CORO2A: variants seen among roughly 807,000 people sequenced by gnomAD.
CORO2A encodes the protein coronin 2A.
In CORO2A, 47 loss-of-function variants were observed where a neutral mutation model predicts 62.4. The observed-to-expected ratio is 0.75, with a 90% CI of 0.60 to 0.96. The LOEUF (loss-of-function observed/expected upper bound fraction) is 0.96, where lower values mean the gene tolerates loss of function less well. Ranked by LOEUF, CORO2A falls within the 40% of genes least tolerant of loss-of-function variation. CORO2A has a pLI of 0.00. For synonymous variants in CORO2A, 273 were observed against 268.9 expected (o/e 1.02, Z -0.15); for missense variants, 610 against 684.1 (o/e 0.89, Z 1.21).
At position 98,133,218 on chromosome 9, in the gene CORO2A, C is replaced by A. The variant is rs140388132; in HGVS notation, c.469-1G>T. The A allele has an allele frequency of 1.9e-6, 3 of 1,614,018 alleles. No homozygotes were observed. Among genetic ancestry groups the A allele is most frequent in the Admixed American group, 3.3e-5 (2 of 59,998 alleles). On this transcript the variant is annotated splice_acceptor_variant, in intron 4 of 11. Transcript: ENST00000375077. LOFTEE classifies it high-confidence loss of function. ...TTGTATCCAGGTTCCAGATCATCAC[C>A]TGCATGGCAGAGAGCCAGCTCTGAG...
intron 2 of CORO2A, among the ~76,000 whole-genome samples, chr9:98,140,023 C>T (rs548205745): frequency 6.6e-5 from 10 of 152,228 alleles, no homozygotes; most frequent in Admixed American, 3.3e-4. Context: ...AGTTCAGTCA[C>T]AGAACCTTGG....
At chr9:98,131,772 C>T (rs367736368) in intron 6 of CORO2A, among the ~76,000 whole-genome samples, 13 of 152,088 alleles carry the variant, frequency 8.5e-5, no homozygotes, top group Non-Finnish European at 1.8e-4. Context: ...AAAATACTAC[C>T]GCCAGCTTGG....
chr9:98,129,940 A>G, intron 7 of CORO2A, 50 bp from the exon 8 acceptor site: 2 of 1,380,692 alleles, frequency 1.4e-6, no homozygotes, highest in Non-Finnish European at 2.1e-6. Flanking sequence ...GCTGGAGCTC[A>G]TCAGCTCATC....
intron 1 of CORO2A, among the ~76,000 whole-genome samples, chr9:98,186,296 G>A (rs1828238370): frequency 1.3e-5 from 2 of 151,984 alleles, no homozygotes; most frequent in Non-Finnish European, 1.5e-5. Flanking sequence ...GGAGGGGCTA[G>A]GTTTGGGGGA....
At position 98,128,178 on chromosome 9, in the gene CORO2A, A is replaced by G. The variant is rs751932580; in HGVS notation, c.1163T>C (p.Met388Thr). 5.0e-6 allele frequency: 8 copies of G among 1,612,650 alleles called. No individual in the cohort carries two copies. Among genetic ancestry groups the G allele is most frequent in the Non-Finnish European group, 6.8e-6 (8 of 1,179,204 alleles). The change falls in exon 10 of 12, where the codon ATG (methionine) becomes ACG (threonine). Residue 388 changes from methionine (M) to threonine (T), a missense_variant. Physicochemically the swap from Met to Thr is moderately conservative, Grantham distance 81 (BLOSUM62 -1). Transcript: ENST00000375077. Reference sequence around the variant, plus strand: ...TTCTCTGCCTTCCTCACCTCGATTCATCCCGCTGAGCCACTCCTGGGCCGT... The same window carrying G: ...TTCTCTGCCTTCCTCACCTCGATTCGTCCCGCTGAGCCACTCCTGGGCCGT... ...SLTAQEWLSG[M>T]NRDPILVSLR...
intron 11 of CORO2A, among the ~76,000 whole-genome samples, chr9:98,125,679 C>A (rs531279112): frequency 6.6e-6 from 1 of 151,902 alleles, no homozygotes; most frequent in South Asian, 2.1e-4. Context: ...CTAGGTCAAA[C>A]CCTCTCCATT....
chr9:98,175,704 T>C (rs1310572539), intron 1 of CORO2A, among the ~76,000 whole-genome samples: 3 of 152,270 alleles, frequency 2.0e-5, no homozygotes, highest in Non-Finnish European at 2.9e-5. Context: ...GCTACTGACA[T>C]GGTAGGGAAC....
intron 1 of CORO2A, among the ~76,000 whole-genome samples, chr9:98,186,684 CG>C (rs1222945515): frequency 6.6e-6 from 1 of 152,044 alleles, no homozygotes; most frequent in Admixed American, 6.6e-5. Context: ...CATTTTAAAA[CG>C]GGAGAAATAA....
chr9:98,171,333 A>G (rs1031732359), intron 1 of CORO2A, among the ~76,000 whole-genome samples: 1 of 152,148 alleles, frequency 6.6e-6, no homozygotes, highest in Non-Finnish European at 1.5e-5. Flanking sequence ...TTCTGTTCTC[A>G]GCGTGGACCC....
At chr9:98,129,527 C>T (rs536520777) in intron 8 of CORO2A, among the ~76,000 whole-genome samples, 2 of 152,276 alleles carry the variant, frequency 1.3e-5, no homozygotes, top group Admixed American at 1.3e-4. Flanking sequence ...AGAACACATC[C>T]CTCTCTCCCC....
At chr9:98,151,820 T>A (rs1453673834) in intron 2 of CORO2A, among the ~76,000 whole-genome samples, 11 of 146,650 alleles carry the variant, frequency 7.5e-5, no homozygotes, top group African/African-American at 2.5e-4. Flanking sequence ...GCTAATTTTT[T>A]TTTTTTTTTT....
chr9:98,161,803 A>G (rs1588006798), intron 1 of CORO2A, among the ~76,000 whole-genome samples: 1 of 152,062 alleles, frequency 6.6e-6, no homozygotes, highest in Non-Finnish European at 1.5e-5. Context: ...GTAGTCGCTG[A>G]AATCGACATG....
At position 98,141,939 on chromosome 9, in the gene CORO2A, G is replaced by T. The variant is rs1316748793; in HGVS notation, c.202-4251C>A. Among the ~76,000 whole-genome samples, 5 of 150,716 alleles carry T rather than the reference G, an allele frequency of 3.3e-5. No homozygotes were observed. The South Asian group carries it at 8.4e-4, about 25-fold the overall frequency. On this transcript the variant is annotated intron_variant, in intron 2 of 11. Transcript: ENST00000375077. Reference sequence around the variant, plus strand: ...ATGTATATTTGTATGTCAAAACTGAGAAAAAAAAACTAAAAGGAATGAGCC... The same window carrying T: ...ATGTATATTTGTATGTCAAAACTGATAAAAAAAAACTAAAAGGAATGAGCC...
chr9:98,159,215 T>C (rs1330871052), intron 1 of CORO2A, among the ~76,000 whole-genome samples: 1 of 152,120 alleles, frequency 6.6e-6, no homozygotes, highest in Admixed American at 6.6e-5. Context: ...CATGCCACCA[T>C]ACCTGGCTAA....
intron 3 of CORO2A, 146 bp from the exon 4 acceptor site, chr9:98,135,101 T>A: frequency 4.7e-6 from 5 of 1,064,306 alleles, no homozygotes; most frequent in Non-Finnish European, 6.6e-6. Flanking sequence ...CTATGGGCAT[T>A]GAGGGGCAGT....
chr9:98,165,200 C>T (rs1001835448), intron 1 of CORO2A, among the ~76,000 whole-genome samples: 4 of 152,160 alleles, frequency 2.6e-5, no homozygotes, highest in Non-Finnish European at 4.4e-5. Flanking sequence ...CTCAGGCGAT[C>T]CTCACACCTC....
chr9:98,126,863 C>T (rs2231669), intron 10 of CORO2A, 40 bp from the exon 11 acceptor site: 82 of 1,611,050 alleles, frequency 5.1e-5, no homozygotes, highest in African/African-American at 9.4e-5. Context: ...GGGGTGCCCA[C>T]GGGAAGATGG....
intron 1 of CORO2A, among the ~76,000 whole-genome samples, chr9:98,168,899 C>A (rs577739653): frequency 6.6e-5 from 10 of 152,322 alleles, no homozygotes; most frequent in Admixed American, 3.3e-4. Context: ...GCTGACAATT[C>A]CTACTGATCA....
intron 2 of CORO2A, among the ~76,000 whole-genome samples, chr9:98,142,823 C>A: frequency 6.8e-6 from 1 of 147,388 alleles, no homozygotes; most frequent in Non-Finnish European, 1.5e-5. Context: ...GCCCTCCCCT[C>A]CGCCCCACCT....
Sources: allele counts gnomAD v4.1 joint callset (sites outside exome capture counted in the v4.1 genomes callset), GRCh38; gene constraint gnomAD v4.1.1; transcripts MANE v1.5; gene names NCBI Gene and HGNC (gene_info 2026-07-23, HGNC 2026-07-21).